Variants in NEDD9 observed in about 807,000 individuals in gnomAD.
NEDD9 encodes the protein enhancer of filamentation 1.
NEDD9 carries 26 observed loss-of-function variants against 76.6 expected under a neutral mutation model. The ratio of observed to expected loss-of-function variants is 0.34; its 90% confidence interval spans 0.25 to 0.47. The LOEUF is 0.47. NEDD9 is among the 20% of genes least tolerant of loss of function. NEDD9 has a pLI of 1.00. For missense variants in NEDD9, 937 were observed against 1,058.5 expected, an observed-to-expected ratio of 0.89 and a Z score of 1.59; for synonymous variants, 392 against 414.2, an observed-to-expected ratio of 0.95 and a Z score of 0.65.
At chr6:11,258,573 C>A (rs944919025) in intron 3 of NEDD9, 4 of 151,974 alleles carry the variant, frequency 2.6e-5, no homozygotes, top group Non-Finnish European at 5.9e-5. Context: ...AGTTCTTCTC[C>A]TGTAATCTGA....
chr6:11,322,333 TA>T (rs1209191487), intron 2 of NEDD9, among the ~76,000 whole-genome samples: 58 of 145,828 alleles, frequency 4.0e-4, no homozygotes, highest in African/African-American at 7.3e-4. Context: ...TCCCAGAACT[TA>T]AAAAAAAAAA....
chr6:11,305,652 G>A (rs1277950373), intron 3 of NEDD9, among the ~76,000 whole-genome samples: 1 of 152,150 alleles, frequency 6.6e-6, no homozygotes, highest in Non-Finnish European at 1.5e-5. Context: ...TCCAAACGTG[G>A]GCAATCAGCT....
rs577564183 is a variant in NEDD9, at chr6:11,358,192, T to C, written c.-213-23631A>G. The stretch of plus-strand genomic sequence containing the variant: ...TGAATCCGGAAGGCGGAGGTTGCAG[T>C]GAGCTGAGATCACGCCACTGCACTC... On this transcript the variant is annotated intron_variant, in intron 1 of 3. Transcript: ENST00000397378. 1.2e-4 allele frequency among the ~76,000 whole-genome samples: 16 copies of C among 132,594 alleles called. 1 individual carries two copies. The East Asian group carries it at 3.3e-3, about 27-fold the overall frequency. The allele number at this position is 132,594 out of a possible 152,430, so 87.0% of individuals were successfully genotyped here. A position where few individuals can be genotyped will look rare whatever the true frequency, so the allele number is the denominator to read the frequency against.
At chr6:11,189,867 C>G (rs1758086186) in intron 5 of NEDD9, 97 bp downstream of exon 5, 1 of 1,395,596 alleles carries the variant, frequency 7.2e-7, no homozygotes, top group Admixed American at 2.4e-5. Flanking sequence ...ATTATGTTCT[C>G]TCCTTTGGCA....
intron 1 of NEDD9, among the ~76,000 whole-genome samples, chr6:11,346,485 C>CT (rs200366705): frequency 1.3e-5 from 2 of 150,974 alleles, no homozygotes; most frequent in South Asian, 2.1e-4. Context: ...AGGCCCCCCC[C>CT]CCCGAGGTGA....
chr6:11,356,401 A>T (rs1360762635), intron 1 of NEDD9, among the ~76,000 whole-genome samples: 2 of 152,220 alleles, frequency 1.3e-5, no homozygotes, highest in South Asian at 4.1e-4. Flanking sequence ...ATACATATAA[A>T]TTATTCACAA....
chr6:11,305,970 G>GT (rs759178609), intron 3 of NEDD9: 39 of 1,613,378 alleles, frequency 2.4e-5, no homozygotes, highest in Middle Eastern at 3.3e-4. Context: ...CAAATTGTCT[G>GT]TTTTTTTCTA....
intron 1 of NEDD9, among the ~76,000 whole-genome samples, chr6:11,217,330 G>T (rs1758983000): frequency 6.6e-6 from 1 of 152,210 alleles, no homozygotes; most frequent in Non-Finnish European, 1.5e-5. Flanking sequence ...GTCAGAAGCT[G>T]ATGATCTGCT....
At chr6:11,302,901 C>T (rs1761088012) in intron 3 of NEDD9, among the ~76,000 whole-genome samples, 1 of 152,132 alleles carries the variant, frequency 6.6e-6, no homozygotes, top group Admixed American at 6.5e-5. Context: ...AAACCCACAG[C>T]CAATATCATA....
intron 3 of NEDD9, among the ~76,000 whole-genome samples, chr6:11,281,745 A>G (rs11969218): frequency 6.6e-6 from 1 of 151,890 alleles, no homozygotes; most frequent in African/African-American, 2.4e-5. Flanking sequence ...CTCTTTTTTT[A>G]TATATTTTTA....
chr6:11,214,761 G>A (rs531174679), intron 1 of NEDD9, among the ~76,000 whole-genome samples: 1 of 152,302 alleles, frequency 6.6e-6, no homozygotes, highest in East Asian at 1.9e-4. Context: ...GCGAAGTCGG[G>A]GACGTTGTTG....
In NEDD9 at chr6:11,185,476, T is replaced by C. The variant is rs201171902; in HGVS notation, c.2191A>G (p.Ser731Gly). The change falls in exon 7 of 7, where the codon AGT becomes GGT. Residue 731 changes from serine (S) to glycine (G), a missense_variant. Physicochemically the swap from Ser to Gly is moderately conservative, Grantham distance 56. Transcript: ENST00000379446. ...SLLNAIDALF[S>G]CVSSAQPPRI... ...GGGGGCTGGGCTGAGCTGACACAAC[T>C]GAAGAGTGCGTCAATGGCGTTGAGA... 1.8e-5 allele frequency: 29 copies of C among 1,614,094 alleles called. No individual in the cohort carries two copies. The highest frequency in any genetic ancestry group is 2.4e-5 in the Non-Finnish European group (28 of 1,180,040).
chr6:11,200,374 G>T, intron 2 of NEDD9: 1 of 584,732 alleles, frequency 1.7e-6, no homozygotes, highest in Non-Finnish European at 2.8e-6. Context: ...AATTCTCTCT[G>T]GAGGCAGAGA....
At chr6:11,195,059 A>G (rs992573429) in intron 2 of NEDD9, among the ~76,000 whole-genome samples, 1 of 152,214 alleles carries the variant, frequency 6.6e-6, no homozygotes, top group Non-Finnish European at 1.5e-5. Context: ...CTCTGAAGTG[A>G]AAACTCTGGC....
intron 1 of NEDD9, among the ~76,000 whole-genome samples, chr6:11,367,077 G>T (rs1390852742): frequency 2.4e-5 from 3 of 124,186 alleles, no homozygotes; most frequent in African/African-American, 6.7e-5. Context: ...CTCGAGAGGA[G>T]AACCGTATAA....
intron 3 of NEDD9, among the ~76,000 whole-genome samples, chr6:11,285,215 C>A (rs1205831028): frequency 1.3e-5 from 2 of 152,128 alleles, no homozygotes; most frequent in East Asian, 3.9e-4. Flanking sequence ...GGAAATTGAT[C>A]ATTTTCCTGA....
chr6:11,248,838 T>G (rs1053153205), intron 3 of NEDD9: 4 of 295,050 alleles, frequency 1.4e-5, no homozygotes, highest in African/African-American at 4.3e-5. Context: ...TGCACACGGC[T>G]CTCCCTACAG....
intron 2 of NEDD9, among the ~76,000 whole-genome samples, chr6:11,195,205 C>G (rs1456202008): frequency 6.6e-6 from 1 of 152,198 alleles, no homozygotes; most frequent in African/African-American, 2.4e-5. Flanking sequence ...GGCTTTTAAT[C>G]CCTAGTGCTT....
intron 3 of NEDD9, chr6:11,305,811 T>TA: frequency 1.5e-6 from 1 of 685,598 alleles, no homozygotes; most frequent in Non-Finnish European, 2.5e-6. Context: ...TGCATCCATG[T>TA]AAAAAATTCA....
Sources: gnomAD v4.1 joint callset for allele counts (sites outside exome capture counted in the v4.1 genomes callset) on GRCh38, gnomAD v4.1.1 for gene constraint, MANE v1.5 for transcripts, NCBI Gene and HGNC (gene_info 2026-07-23, HGNC 2026-07-21) for gene names.